CAPN6: variants seen among roughly 807,000 people sequenced by gnomAD.
CAPN6 encodes the protein calpain 6.
In CAPN6, 16 loss-of-function variants were observed where a neutral mutation model predicts 46.0. The ratio of observed to expected loss-of-function variants is 0.35; its 90% CI spans 0.24 to 0.53. CAPN6 has a LOEUF of 0.53. CAPN6 is among the 20% of genes least tolerant of loss of function. CAPN6 has a pLI of 0.94. For synonymous variants in CAPN6, 206 were observed against 172.8 expected, an observed-to-expected ratio of 1.19 and a Z score of -1.51; for missense variants, 461 against 498.0, an observed-to-expected ratio of 0.93 and a Z score of 0.71.
Position 111,251,028 on chromosome X carries a change from G to C in CAPN6, c.1047C>G (p.Gly349=). ...CCAACACCGATTCCAGCTCCTTTCG[G>C]CCAAAAATAGGGTTGTTCACATTGC... ...VCRNVNNPIF[G]RKELESVLGC... is the part of the protein sequence containing the mutation. The change falls in exon 8 of 13, where the codon GGC becomes GGG. Residue 349 remains glycine, a synonymous_variant. Transcript: ENST00000324068. 11 of 1,211,170 alleles carry C rather than the reference G, an allele frequency of 9.1e-6. No homozygotes were observed. Among genetic ancestry groups the C allele is most frequent in the Non-Finnish European group, 1.2e-5 (11 of 895,290 alleles).
At position 111,270,402 on chromosome X, in the gene CAPN6, C is replaced by T. The variant is rs1395351662; in HGVS notation, c.-47G>A. The T allele has an allele frequency of 5.7e-6, 2 of 350,093 alleles. No homozygotes were observed. The highest frequency in any genetic ancestry group is 1.1e-5 in the Non-Finnish European group (2 of 176,948). 28.9% of individuals were successfully genotyped at this position (350,093 alleles called of 1,213,427 possible). ...TATCCCAGGAGCCCTGCTGCTGCTGCTGCTGCTGCTGCTGCTGCTGCTGCC... is the reference window on the plus strand; with the variant it reads ...TATCCCAGGAGCCCTGCTGCTGCTGTTGCTGCTGCTGCTGCTGCTGCTGCC... On this transcript the variant is annotated 5_prime_UTR_variant, in exon 1 of 13. Transcript: ENST00000324068.
At chrX:111,269,552 C>T (rs1032506107) in intron 1 of CAPN6, among the ~76,000 whole-genome samples, 2 of 111,806 alleles carry the variant, frequency 1.8e-5, no homozygotes, top group East Asian at 5.6e-4. Flanking sequence ...GTTCCAAATC[C>T]TCAGAACCAA....
chrX:111,247,765 C>T (rs1192407506), intron 11 of CAPN6, 106 bp downstream of exon 11: 3 of 1,024,502 alleles, frequency 2.9e-6, no homozygotes, highest in East Asian at 6.3e-5. Flanking sequence ...CCCAACTTCT[C>T]TAGACAAAAT....
At position 111,245,473 on chromosome X, in the gene CAPN6, C is replaced by A. The variant is rs955121174; in HGVS notation, c.*1104G>T. ...GAAAAATGAGAGGGCAAACAAACAC[C>A]CCCAGCGAGTGAAGCATCCCAACTG... is the stretch of plus-strand genomic sequence containing the variant. On this transcript the variant is annotated 3_prime_UTR_variant, in exon 13 of 13. Coordinates refer to ENST00000324068, the MANE Select transcript of CAPN6 (RefSeq NM_014289.4). 9.0e-6 allele frequency: 1 copy of A among 111,286 alleles called. No individual in the cohort carries two copies. The highest frequency in any genetic ancestry group is 3.3e-5 in the African/African-American group (1 of 30,438). 9.2% of individuals were successfully genotyped at this position (111,286 alleles called of 1,213,427 possible).
At chrX:111,250,779 A>C in intron 8 of CAPN6, 138 bp downstream of exon 8, 1 of 586,680 alleles carries the variant, frequency 1.7e-6, no homozygotes, top group East Asian at 3.3e-5. Context: ...ATCCGTAGGG[A>C]TCCTGGTTGT....
At chrX:111,269,322 G>A (rs941861803) in intron 1 of CAPN6, among the ~76,000 whole-genome samples, 1 of 111,839 alleles carries the variant, frequency 8.9e-6, no homozygotes, top group Non-Finnish European at 1.9e-5. Context: ...ACTTCCAGAG[G>A]AATAAAAGAG....
intron 2 of CAPN6, among the ~76,000 whole-genome samples, chrX:111,261,243 G>A (rs755865622): frequency 3.6e-5 from 4 of 112,554 alleles, no homozygotes; most frequent in Non-Finnish European, 7.5e-5. Flanking sequence ...ATGCAAATCC[G>A]AGCTTGTTAG....
Position 111,247,759 on chromosome X carries a change from A to G in CAPN6, c.1606+112T>C, listed in dbSNP as rs930012589. 4 of 974,419 alleles carry G rather than the reference A, an allele frequency of 4.1e-6. No individual in the cohort carries two copies. The African/African-American group carries it at 7.7e-5, about 19-fold the overall frequency. The allele number at this position is 974,419 out of a possible 1,213,427, so 80.3% of individuals were successfully genotyped here. On this transcript the variant is annotated intron_variant, in intron 11 of 12. Coordinates refer to ENST00000324068, the MANE Select transcript of CAPN6 (RefSeq NM_014289.4). ...CTGCCATGGTTGCCATCCATTCCCAACTTCTCTAGACAAAATATCGCTGGA... is the reference window on the plus strand; with the variant it reads ...CTGCCATGGTTGCCATCCATTCCCAGCTTCTCTAGACAAAATATCGCTGGA...
At chrX:111,268,638 C>A (rs1288745943) in intron 1 of CAPN6, among the ~76,000 whole-genome samples, 4 of 112,732 alleles carry the variant, frequency 3.5e-5, no homozygotes, top group African/African-American at 1.3e-4. Context: ...TGCCCCTCCA[C>A]CATTCTCTAC....
At chrX:111,268,982 A>G (rs1352875508) in intron 1 of CAPN6, among the ~76,000 whole-genome samples, 1 of 112,020 alleles carries the variant, frequency 8.9e-6, no homozygotes, top group Non-Finnish European at 1.9e-5. Flanking sequence ...AAAAATTCAT[A>G]TTGTACTCTT....
At chrX:111,265,614 G>A (rs1173832465) in intron 1 of CAPN6, among the ~76,000 whole-genome samples, 1 of 112,138 alleles carries the variant, frequency 8.9e-6, no homozygotes, top group Non-Finnish European at 1.9e-5. Context: ...TCTGGAGGCT[G>A]TTACAAATGG....
chrX:111,252,310 A>G lies in CAPN6; in HGVS notation c.696T>C (p.Ile232=). The G allele has an allele frequency of 8.3e-7, 1 of 1,198,875 alleles. No individual in the cohort carries two copies. Residue 232 remains isoleucine (I), a synonymous_variant, in exon 5 of 13, where the codon ATT becomes ATC. Coordinates refer to ENST00000324068, the MANE Select transcript of CAPN6 (RefSeq NM_014289.4). Reference sequence around the variant, plus strand: ...GTTGTTTTTCATGAGTACAAACCTCAATGGAACAGCAGATCAGACCACCTT... The same window carrying G: ...GTTGTTTTTCATGAGTACAAACCTCGATGGAACAGCAGATCAGACCACCTT... ...FTKGGLICCS[I]ESPNQEEQEV...
Position 111,252,482 on chromosome X carries a change from T to C in CAPN6, c.524A>G (p.Glu175Gly). The change falls in exon 5 of 13, where the codon GAG (glutamate) becomes GGG (glycine). Residue 175 changes from glutamate (E) to glycine (G), a missense_variant. By Grantham distance (98) the Glu-to-Gly change is moderately conservative. Transcript: ENST00000324068. Reference protein sequence around the residue: ...KAYAKLLGCYEALDGLTITDI... With the variant: ...KAYAKLLGCYGALDGLTITDI... ...AGTGATGGTCAAACCATCCAGGGCCTCATAACAGCCTAGCAGCCTGAGGGC... is the reference window on the plus strand; with the variant it reads ...AGTGATGGTCAAACCATCCAGGGCCCCATAACAGCCTAGCAGCCTGAGGGC... 1 of 1,205,810 alleles carries C rather than the reference T, an allele frequency of 8.3e-7. No individual in the cohort carries two copies. Among genetic ancestry groups the C allele is most frequent in the South Asian group, 1.8e-5 (1 of 55,318 alleles).
Position 111,246,717 on chromosome X carries a change from C to A in CAPN6, c.1786G>T (p.Val596Phe). The stretch of plus-strand genomic sequence containing the variant: ...TCGCTGGGGTCAGCATCCAGAGTAA[C>A]CTGCCCCAAGAACTGATCACAGAAT... ...RKFCDQFLGQ[V>F]TLDADPSDCR... Residue 596 changes from valine (V) to phenylalanine (F), a missense_variant, in exon 13 of 13, where the codon GTT becomes TTT. Physicochemically the swap from Val to Phe is conservative, Grantham distance 50 (BLOSUM62 -1). Transcript: ENST00000324068. 3 of 1,211,035 alleles carry A rather than the reference C, an allele frequency of 2.5e-6. No individual in the cohort carries two copies. Among genetic ancestry groups the A allele is most frequent in the Non-Finnish European group, 3.4e-6 (3 of 895,277 alleles).
chrX:111,252,415 A>G lies in CAPN6; in HGVS notation c.591T>C (p.Val197=). Reference sequence around the variant, plus strand: ...CAGTGTATCTTCCTTTCTGCATGTCAACAGTTTCAGCCAATGTGCCCGTGA... The same window carrying G: ...CAGTGTATCTTCCTTTCTGCATGTCGACAGTTTCAGCCAATGTGCCCGTGA... ...VDFTGTLAET[V]DMQKGRYTEL... Residue 197 remains valine, a synonymous_variant, in exon 5 of 13, where the codon GTT becomes GTC. Coordinates refer to ENST00000324068, the MANE Select transcript of CAPN6 (RefSeq NM_014289.4). The G allele has an allele frequency of 8.3e-7, 1 of 1,210,710 alleles. No individual in the cohort carries two copies. The highest frequency in any genetic ancestry group is 1.1e-6 in the Non-Finnish European group (1 of 894,541).
At chrX:111,262,189 C>T (rs1281891003) in intron 2 of CAPN6, among the ~76,000 whole-genome samples, 2 of 111,947 alleles carry the variant, frequency 1.8e-5, no homozygotes, top group East Asian at 5.6e-4. Flanking sequence ...CTAAGTGATC[C>T]GCTGGAATGT....
Position 111,263,472 on chromosome X carries a change from A to G in CAPN6, c.165+300T>C, listed in dbSNP as rs901329800. Among the ~76,000 whole-genome samples the G allele has an allele frequency of 3.4e-4, 38 of 111,892 alleles. 1 individual carries two copies. The Admixed American group carries it at 3.6e-3, about 11-fold the overall frequency. On this transcript the variant is annotated intron_variant, in intron 2 of 12. Coordinates refer to ENST00000324068, the MANE Select transcript of CAPN6 (RefSeq NM_014289.4). The stretch of plus-strand genomic sequence containing the variant: ...CTCCAAGCTAGAGCCAGGAGCACAG[A>G]TCCATGGAACTTTCATTATAAAGTT...
chrX:111,265,581 C>G (rs1297257622), intron 1 of CAPN6, among the ~76,000 whole-genome samples: 3 of 111,952 alleles, frequency 2.7e-5, no homozygotes, highest in Non-Finnish European at 5.6e-5. Context: ...CAGAGCCAAC[C>G]TGAATGTTTG....
rs763551345 is a variant in CAPN6, at chrX:111,252,470, C to A, written c.536G>T (p.Gly179Val). The change falls in exon 5 of 13, where the codon GGT becomes GTT. Residue 179 changes from glycine to valine, a missense_variant. By Grantham distance (109) the Gly-to-Val change is moderately radical (BLOSUM62 -3). Transcript: ENST00000324068. ...CACAATAATATCAGTGATGGTCAAA[C>A]CATCCAGGGCCTCATAACAGCCTAG... ...KLLGCYEALD[G>V]LTITDIIVDF... 2 of 1,207,080 alleles carry A rather than the reference C, an allele frequency of 1.7e-6. No individual in the cohort carries two copies. The highest frequency in any genetic ancestry group is 1.8e-5 in the South Asian group (1 of 55,599).
Sources: allele counts gnomAD v4.1 joint callset (sites outside exome capture counted in the v4.1 genomes callset), GRCh38; gene constraint gnomAD v4.1.1; transcripts MANE v1.5; gene names NCBI Gene and HGNC (gene_info 2026-07-23, HGNC 2026-07-21).